ITPR2: variants seen among roughly 807,000 people sequenced by gnomAD.
ITPR2 encodes the protein inositol 1,4,5-trisphosphate receptor type 2.
ITPR2 carries 207 observed loss-of-function variants against 317.1 expected under a neutral mutation model. The ratio of observed to expected loss-of-function variants is 0.65; its 90% CI spans 0.58 to 0.73. The LOEUF is 0.73. Ranked by LOEUF, ITPR2 falls within the 30% of genes least tolerant of loss-of-function variation. The probability of loss-of-function intolerance (pLI) is 0.00; values close to 1 mark genes in which losing one functional copy is unlikely to be tolerated. For missense variants in ITPR2, 2,613 were observed against 3,284.0 expected, an observed-to-expected ratio of 0.80 and a Z score of 4.99; for synonymous variants, 1,156 against 1,149.1, an observed-to-expected ratio of 1.01 and a Z score of -0.12.
At chr12:26,380,785 C>G (rs1011715889) in intron 55 of ITPR2, among the ~76,000 whole-genome samples, 2 of 152,134 alleles carry the variant, frequency 1.3e-5, no homozygotes, top group African/African-American at 2.4e-5. Flanking sequence ...CCAAACATCT[C>G]CCCTCCAACA....
At chr12:26,699,351 G>A (rs1305946215) in intron 9 of ITPR2, among the ~76,000 whole-genome samples, 1 of 152,192 alleles carries the variant, frequency 6.6e-6, no homozygotes, top group Admixed American at 6.5e-5. Context: ...GCTGTCTGGG[G>A]AAGTGGATTC....
At chr12:26,441,284 T>C in intron 46 of ITPR2, among the ~76,000 whole-genome samples, 1 of 152,192 alleles carries the variant, frequency 6.6e-6, no homozygotes, top group Non-Finnish European at 1.5e-5. Context: ...GATGGGTGAT[T>C]AGACACAAGG....
intron 49 of ITPR2, among the ~76,000 whole-genome samples, chr12:26,425,433 C>A (rs1343039849): frequency 1.3e-5 from 2 of 151,572 alleles, no homozygotes; most frequent in East Asian, 3.9e-4. Flanking sequence ...CTTTGGGAGG[C>A]CAAGGCGGGT....
chr12:26,477,311 C>T (rs540756970), intron 43 of ITPR2, among the ~76,000 whole-genome samples: 21 of 152,058 alleles, frequency 1.4e-4, no homozygotes, highest in African/African-American at 4.8e-4. Context: ...TATTTTCCCT[C>T]ACTGTTTCCT....
intron 54 of ITPR2, among the ~76,000 whole-genome samples, chr12:26,394,270 T>A (rs533945123): frequency 2.0e-5 from 3 of 152,254 alleles, no homozygotes. Flanking sequence ...TCTATAAAGT[T>A]CATGCATTTT....
chr12:26,762,312 C>T (rs1029627476), intron 2 of ITPR2, among the ~76,000 whole-genome samples: 4 of 152,092 alleles, frequency 2.6e-5, no homozygotes, highest in Non-Finnish European at 5.9e-5. Context: ...TCTCAAAAGT[C>T]AAAGTGAATT....
At chr12:26,564,928 A>T (rs1944909360) in intron 34 of ITPR2, among the ~76,000 whole-genome samples, 1 of 152,216 alleles carries the variant, frequency 6.6e-6, no homozygotes. Context: ...AATAGTATGG[A>T]GAAAATATCA....
chr12:26,725,480 A>G (rs1189965654), intron 3 of ITPR2, among the ~76,000 whole-genome samples, 170 bp downstream of exon 3: 2 of 152,230 alleles, frequency 1.3e-5, no homozygotes, highest in Non-Finnish European at 2.9e-5. Context: ...CAGGAAATAG[A>G]TGGTCACACC....
At chr12:26,649,913 A>C (rs912467565) in intron 21 of ITPR2, among the ~76,000 whole-genome samples, 3 of 152,116 alleles carry the variant, frequency 2.0e-5, no homozygotes, top group Non-Finnish European at 2.9e-5. Context: ...CAATAGGAGA[A>C]AGGAGAAATT....
At chr12:26,656,611 TACC>T in intron 18 of ITPR2, 63 bp from the exon 19 acceptor site, 2 of 1,520,512 alleles carry the variant, frequency 1.3e-6, no homozygotes, top group South Asian at 2.3e-5. Flanking sequence ...AACGTCATAG[TACC>T]AATCAGTATC....
intron 43 of ITPR2, among the ~76,000 whole-genome samples, chr12:26,479,131 C>T (rs1294245118): frequency 8.1e-6 from 1 of 123,638 alleles, no homozygotes; most frequent in African/African-American, 2.9e-5. Context: ...ACTACACACA[C>T]CTCATTCACT....
At chr12:26,578,855 G>C in intron 33 of ITPR2, 22 bp from the exon 34 acceptor site, 1 of 1,586,694 alleles carries the variant, frequency 6.3e-7, no homozygotes, top group Non-Finnish European at 8.6e-7. Context: ...AAGAAGGTAG[G>C]CAAAAAGAGA....
rs762094136 is a variant in ITPR2 at position 26,419,136 on chromosome 12, G to A, written c.7023C>T (p.Ile2341=). The change falls in exon 50 of 57, where the codon ATC becomes ATT. Residue 2341 remains isoleucine, a synonymous_variant. Coordinates refer to ENST00000381340, the MANE Select transcript of ITPR2 (RefSeq NM_002223.4). ...CGTGATAGAGAAAGGCCATATCCAG[G>A]ATGACTGCTCGGTACCCACGGGTGA... ...GTFTRGYRAV[I]LDMAFLYHVA... is the part of the protein sequence containing the mutation. The A allele has an allele frequency of 6.2e-7, 1 of 1,613,824 alleles. No homozygotes were observed. The highest frequency in any genetic ancestry group is 8.5e-7 in the Non-Finnish European group (1 of 1,179,848).
Position 26,491,339 on chromosome 12 carries a change from C to T in ITPR2, c.5370+2814G>A, listed in dbSNP as rs533553547. 2.6e-5 allele frequency among the ~76,000 whole-genome samples: 4 copies of T among 151,554 alleles called. No individual in the cohort carries two copies. In the South Asian group the frequency reaches 6.3e-4, roughly 24 times the overall value. On this transcript the variant is annotated intron_variant, in intron 39 of 56. Coordinates refer to ENST00000381340, the MANE Select transcript of ITPR2 (RefSeq NM_002223.4). ...TCTACTAAAAATACAAAAAATTAGCCGGGCGTGGTGGTGGGCACCTGTAGT... is the reference window on the plus strand; with the variant it reads ...TCTACTAAAAATACAAAAAATTAGCTGGGCGTGGTGGTGGGCACCTGTAGT...
intron 55 of ITPR2, among the ~76,000 whole-genome samples, chr12:26,379,878 C>T (rs9943725): frequency 0.015 from 2,224 of 152,266 alleles, 51 homozygotes; most frequent in African/African-American, 0.049. Context: ...CAGGTTTGTT[C>T]CTTCACACGG....
At chr12:26,521,632 G>T (rs894678861) in intron 37 of ITPR2, among the ~76,000 whole-genome samples, 1 of 152,078 alleles carries the variant, frequency 6.6e-6, no homozygotes, top group Admixed American at 6.6e-5. Flanking sequence ...AAAACAAGAC[G>T]ATCTTCGTAA....
At chr12:26,344,252 G>A (rs899606749) in intron 55 of ITPR2, among the ~76,000 whole-genome samples, 2 of 152,106 alleles carry the variant, frequency 1.3e-5, no homozygotes, top group Non-Finnish European at 2.9e-5. Flanking sequence ...CTAAGACAGG[G>A]CTCCTCTTGG....
intron 37 of ITPR2, among the ~76,000 whole-genome samples, chr12:26,499,612 T>C (rs1399313335): frequency 6.6e-6 from 1 of 152,198 alleles, no homozygotes; most frequent in Non-Finnish European, 1.5e-5. Flanking sequence ...AAGTTGTACA[T>C]TGTTGATGTT....
At chr12:26,348,515 A>G (rs191825390) in intron 55 of ITPR2, among the ~76,000 whole-genome samples, 7 of 152,306 alleles carry the variant, frequency 4.6e-5, no homozygotes, top group African/African-American at 1.7e-4. Context: ...TTTCTAGTGA[A>G]CACCCACCTA....
Sources: gnomAD v4.1 joint callset for allele counts (sites outside exome capture counted in the v4.1 genomes callset) on GRCh38, gnomAD v4.1.1 for gene constraint, MANE v1.5 for transcripts, NCBI Gene and HGNC (gene_info 2026-07-23, HGNC 2026-07-21) for gene names.